ZNF804A: variants seen among roughly 807,000 people sequenced by gnomAD.
The protein encoded by ZNF804A is zinc finger protein 804A.
In ZNF804A, 2 loss-of-function variants were observed where a neutral mutation model predicts 16.5. The ratio of observed to expected loss-of-function variants is 0.12; its 90% CI spans 0.05 to 0.38. ZNF804A has a LOEUF of 0.38. Among genes scored for constraint, ZNF804A ranks in the 10% least tolerant of loss-of-function variants. The pLI, the probability that ZNF804A is intolerant of heterozygous loss-of-function variation, is 0.99. For missense variants in ZNF804A, 1,473 were observed against 1,390.7 expected, an observed-to-expected ratio of 1.06 and a Z score of -0.94; for synonymous variants, 534 against 489.6, an observed-to-expected ratio of 1.09 and a Z score of -1.20.
At chr2:184,771,704 G>T (rs1359484157) in intron 1 of ZNF804A, among the ~76,000 whole-genome samples, 1 of 151,954 alleles carries the variant, frequency 6.6e-6, no homozygotes, top group African/African-American at 2.4e-5. Flanking sequence ...CTACCTTATT[G>T]TTAGAGGACT....
chr2:184,853,136 G>A (rs1300017119), intron 1 of ZNF804A, among the ~76,000 whole-genome samples: 1 of 151,670 alleles, frequency 6.6e-6, no homozygotes, highest in Non-Finnish European at 1.5e-5. Flanking sequence ...TTTAAAGAGT[G>A]TACAGGTTAT....
chr2:184,643,708 T>C (rs1226527671), intron 1 of ZNF804A, among the ~76,000 whole-genome samples: 7 of 151,608 alleles, frequency 4.6e-5, no homozygotes, highest in Non-Finnish European at 8.9e-5. Flanking sequence ...TACATGTAAA[T>C]TATAGGTAAA....
At chr2:184,839,918 G>A (rs1695409540) in intron 1 of ZNF804A, among the ~76,000 whole-genome samples, 1 of 151,918 alleles carries the variant, frequency 6.6e-6, no homozygotes, top group Non-Finnish European at 1.5e-5. Flanking sequence ...ATAGAATAAG[G>A]GACCATAACC....
chr2:184,882,801 T>G (rs146760796), intron 2 of ZNF804A, among the ~76,000 whole-genome samples: 1 of 151,164 alleles, frequency 6.6e-6, no homozygotes, highest in African/African-American at 2.4e-5. Flanking sequence ...AAGAGGGAGG[T>G]TTATAGCACT....
At chr2:184,869,389 T>C (rs971490907) in intron 2 of ZNF804A, among the ~76,000 whole-genome samples, 1 of 151,956 alleles carries the variant, frequency 6.6e-6, no homozygotes, top group South Asian at 2.1e-4. Context: ...AGAGATATGA[T>C]ACCAAGGGCC....
intron 1 of ZNF804A, among the ~76,000 whole-genome samples, chr2:184,640,811 G>T (rs1691783964): frequency 6.6e-6 from 1 of 152,000 alleles, no homozygotes; most frequent in Admixed American, 6.6e-5. Flanking sequence ...GAAATACATG[G>T]GGCATCTCCC....
intron 1 of ZNF804A, among the ~76,000 whole-genome samples, chr2:184,606,005 T>C (rs1691139051): frequency 6.6e-6 from 1 of 152,240 alleles, no homozygotes; most frequent in African/African-American, 2.4e-5. Context: ...AAGAAAGTTA[T>C]ATACTTTTCT....
At chr2:184,705,451 G>A (rs1693008280) in intron 1 of ZNF804A, among the ~76,000 whole-genome samples, 2 of 152,118 alleles carry the variant, frequency 1.3e-5, no homozygotes, top group African/African-American at 4.8e-5. Context: ...TATATGAAGA[G>A]TGTAGCTAAA....
At position 184,935,872 on chromosome 2, in the gene ZNF804A, C is replaced by T; in HGVS notation, c.476C>T (p.Ser159Leu). The change falls in exon 4 of 4, where the codon TCA (serine) becomes TTA (leucine). Residue 159 changes from serine (S) to leucine (L), a missense_variant. By Grantham distance (145) the Ser-to-Leu change is moderately radical (BLOSUM62 -2). Transcript: ENST00000302277. ...ATTTCCCAACGAGTTGTTGTGGATT[C>T]AGTTAATAACCAGCAAGATTTCAAA... Reference protein sequence around the residue: ...NEISQRVVVDSVNNQQDFKYT... With the variant: ...NEISQRVVVDLVNNQQDFKYT... The T allele has an allele frequency of 6.2e-7, 1 of 1,613,804 alleles. No homozygotes were observed. The highest frequency in any genetic ancestry group is 8.5e-7 in the Non-Finnish European group (1 of 1,179,862).
intron 1 of ZNF804A, among the ~76,000 whole-genome samples, chr2:184,670,402 A>T (rs1692323706): frequency 6.6e-6 from 1 of 151,980 alleles, no homozygotes; most frequent in Admixed American, 6.6e-5. Flanking sequence ...CTGGAACTTT[A>T]TTAAGACACA....
chr2:184,837,846 C>T (rs1695378207), intron 1 of ZNF804A, among the ~76,000 whole-genome samples: 1 of 152,126 alleles, frequency 6.6e-6, no homozygotes, highest in African/African-American at 2.4e-5. Context: ...CAGCTCTGCC[C>T]TCATCCACTG....
chr2:184,785,150 C>G (rs188548746), intron 1 of ZNF804A, among the ~76,000 whole-genome samples: 15 of 152,062 alleles, frequency 9.9e-5, no homozygotes, highest in Admixed American at 2.6e-4. Flanking sequence ...AAGAAAAACT[C>G]CCAGGTATCT....
intron 1 of ZNF804A, among the ~76,000 whole-genome samples, chr2:184,666,338 T>A (rs538651259): frequency 6.6e-6 from 1 of 152,094 alleles, no homozygotes; most frequent in East Asian, 1.9e-4. Flanking sequence ...AACAGATTCA[T>A]TTCAAAGCCT....
chr2:184,902,980 A>G (rs1281696374), intron 2 of ZNF804A, among the ~76,000 whole-genome samples: 1 of 152,164 alleles, frequency 6.6e-6, no homozygotes, highest in Non-Finnish European at 1.5e-5. Context: ...GGTGTCCCTC[A>G]TTTAGTAAGC....
intron 1 of ZNF804A, among the ~76,000 whole-genome samples, chr2:184,818,772 A>G (rs989723204): frequency 5.3e-5 from 8 of 152,022 alleles, no homozygotes; most frequent in Non-Finnish European, 1.2e-4. Context: ...GACAAAACAG[A>G]CTTCAAACCA....
intron 2 of ZNF804A, among the ~76,000 whole-genome samples, chr2:184,919,954 A>G (rs1685504254): frequency 6.6e-6 from 1 of 152,118 alleles, no homozygotes; most frequent in Admixed American, 6.6e-5. Flanking sequence ...ATCTCTACTA[A>G]TAATATAAAA....
intron 2 of ZNF804A, among the ~76,000 whole-genome samples, chr2:184,897,269 A>G (rs1191015324): frequency 6.6e-6 from 1 of 152,084 alleles, no homozygotes; most frequent in Non-Finnish European, 1.5e-5. Flanking sequence ...GTCATGATTG[A>G]TTTTGACTTG....
intron 1 of ZNF804A, among the ~76,000 whole-genome samples, chr2:184,771,357 TCA>T (rs1214977545): frequency 6.6e-6 from 1 of 151,932 alleles, no homozygotes; most frequent in African/African-American, 2.4e-5. Context: ...ATTTAATATA[TCA>T]CAGTTTCTGT....
intron 1 of ZNF804A, among the ~76,000 whole-genome samples, chr2:184,635,560 T>A (rs975038243): frequency 3.9e-5 from 6 of 152,290 alleles, no homozygotes; most frequent in African/African-American, 1.2e-4. Flanking sequence ...TATATTTTAA[T>A]ATATATAAAC....
Sources: gnomAD v4.1 joint callset for allele counts (sites outside exome capture counted in the v4.1 genomes callset) on GRCh38, gnomAD v4.1.1 for gene constraint, MANE v1.5 for transcripts, NCBI Gene and HGNC (gene_info 2026-07-23, HGNC 2026-07-21) for gene names.